Variants in FABP12 observed in about 807,000 individuals in gnomAD.
The protein encoded by FABP12 is fatty acid binding protein 12.
Under a neutral mutation model 13.7 loss-of-function variants are expected in FABP12, and 19 were observed. The ratio of observed to expected loss-of-function variants is 1.39; its 90% CI spans 0.97 to 2.04. FABP12 has a LOEUF of 2.04. FABP12 is among the 30% of genes most tolerant of loss of function. The probability of loss-of-function intolerance (pLI) is 0.00; values close to 1 mark genes in which losing one functional copy is unlikely to be tolerated. For synonymous variants in FABP12, 61 were observed against 57.0 expected, an observed-to-expected ratio of 1.07 and a Z score of -0.32; for missense variants, 182 against 164.2, an observed-to-expected ratio of 1.11 and a Z score of -0.59.
intron 1 of FABP12, among the ~76,000 whole-genome samples, chr8:81,566,298 TACTTTCAA>T (rs1809818105): frequency 3.3e-5 from 5 of 152,066 alleles, no homozygotes; most frequent in Non-Finnish European, 5.9e-5. Flanking sequence ...GAGAAGGGAA[TACTTTCAA>T]ACTCATTCTA....
intron 1 of FABP12, among the ~76,000 whole-genome samples, chr8:81,568,274 A>G (rs1809864930): frequency 6.6e-6 from 1 of 152,200 alleles, no homozygotes; most frequent in African/African-American, 2.4e-5. Flanking sequence ...CAAACAACTC[A>G]ATAGGAAAAA....
upstream of FABP12, among the ~76,000 whole-genome samples, chr8:81,534,121 A>C (rs7003466): frequency 0.016 from 2,411 of 151,848 alleles, 61 homozygotes; most frequent in African/African-American, 0.055. Context: ...TCTCTCTCTC[A>C]CACACATACA....
chr8:81,540,144 G>A (rs1300295418), intron 1 of FABP12, among the ~76,000 whole-genome samples: 3 of 152,194 alleles, frequency 2.0e-5, no homozygotes, highest in Non-Finnish European at 4.4e-5. Flanking sequence ...TTTGGACTAG[G>A]CGGCATCACC....
intron 1 of FABP12, among the ~76,000 whole-genome samples, chr8:81,583,742 A>G (rs1224758380): frequency 6.6e-6 from 1 of 152,188 alleles, no homozygotes; most frequent in East Asian, 1.9e-4. Context: ...CGATAGCTGC[A>G]CAGCTGAATT....
chr8:81,573,711 A>G (rs368874363), intron 1 of FABP12, among the ~76,000 whole-genome samples: 2 of 151,842 alleles, frequency 1.3e-5, no homozygotes, highest in South Asian at 4.2e-4. Context: ...TGTCTTTTGC[A>G]GTTATTGTAA....
chr8:81,575,947 C>T (rs1395963164), intron 1 of FABP12, among the ~76,000 whole-genome samples: 1 of 152,112 alleles, frequency 6.6e-6, no homozygotes, highest in African/African-American at 2.4e-5. Flanking sequence ...AATTGTCTTC[C>T]ACGAAATTGG....
At chr8:81,541,917 A>T in intron 1 of FABP12, among the ~76,000 whole-genome samples, 1 of 138,938 alleles carries the variant, frequency 7.2e-6, no homozygotes, top group Non-Finnish European at 1.5e-5. Context: ...GTTTAAAAAA[A>T]AAAAAAAAAA....
intron 3 of FABP12, among the ~76,000 whole-genome samples, chr8:81,528,592 T>C (rs1808972009): frequency 3.3e-5 from 5 of 152,184 alleles, no homozygotes; most frequent in Admixed American, 3.3e-4. Context: ...ATTCAAATAA[T>C]AAATATTTAT....
intron 1 of FABP12, among the ~76,000 whole-genome samples, chr8:81,559,455 C>T (rs1177426181): frequency 6.6e-6 from 1 of 152,188 alleles, no homozygotes; most frequent in African/African-American, 2.4e-5. Context: ...ATGTATGGGT[C>T]TAGGCCCCAC....
chr8:81,562,061 A>G (rs560732236), intron 1 of FABP12, among the ~76,000 whole-genome samples: 2 of 152,186 alleles, frequency 1.3e-5, no homozygotes, highest in East Asian at 3.9e-4. Context: ...GAGAGGGGAG[A>G]ATAAAGAAAA....
chr8:81,559,140 C>T (rs557900515), intron 1 of FABP12, among the ~76,000 whole-genome samples: 164 of 152,308 alleles, frequency 1.1e-3, no homozygotes, highest in African/African-American at 3.9e-3. Context: ...ATTTCACCCA[C>T]TTCAAGCCAC....
rs185206041 is a variant in FABP12, at chr8:81,581,416, G to T, written c.-185+8637C>A. On this transcript the variant is annotated intron_variant, in intron 1 of 5. Transcript: ENST00000692030. ...AGATTGAATTTCTTAGCATCCTGGG[G>T]GGATAAAGCTCAGAACCAGATTTAA... Among the ~76,000 whole-genome samples, 3 of 152,224 alleles carry T rather than the reference G, an allele frequency of 2.0e-5. No homozygotes were observed. In the East Asian group the frequency reaches 5.8e-4, roughly 29 times the overall value.
At chr8:81,542,265 G>A (rs1271839350) in intron 1 of FABP12, among the ~76,000 whole-genome samples, 1 of 152,112 alleles carries the variant, frequency 6.6e-6, no homozygotes, top group African/African-American at 2.4e-5. Context: ...TTAAAAATCA[G>A]GAGAACTTAC....
chr8:81,540,286 C>T (rs1024341848), intron 1 of FABP12, among the ~76,000 whole-genome samples: 1 of 152,206 alleles, frequency 6.6e-6, no homozygotes, highest in Admixed American at 6.5e-5. Flanking sequence ...ATATGAGAAC[C>T]ATTGACCACA....
intron 1 of FABP12, among the ~76,000 whole-genome samples, chr8:81,544,481 G>A (rs1427835176): frequency 6.6e-6 from 1 of 152,076 alleles, no homozygotes; most frequent in Non-Finnish European, 1.5e-5. Flanking sequence ...TAGATTTAGG[G>A]CTTAAATCAC....
intron 1 of FABP12, among the ~76,000 whole-genome samples, chr8:81,582,941 C>A (rs570254795): frequency 1.3e-5 from 2 of 152,166 alleles, no homozygotes; most frequent in East Asian, 3.9e-4. Context: ...CCAGGATAGA[C>A]CACATGTTAG....
intron 1 of FABP12, chr8:81,533,171 G>T (rs903518271): frequency 4.6e-5 from 7 of 152,206 alleles, no homozygotes; most frequent in African/African-American, 1.4e-4. Context: ...GGTGTGAGAC[G>T]GAGCCCATGT....
chr8:81,570,289 T>A (rs548452758), intron 1 of FABP12, among the ~76,000 whole-genome samples: 3 of 152,172 alleles, frequency 2.0e-5, no homozygotes, highest in African/African-American at 7.2e-5. Flanking sequence ...GCTCACAACA[T>A]GGCAAGCGAG....
intron 1 of FABP12, among the ~76,000 whole-genome samples, chr8:81,557,789 G>T (rs1400686276): frequency 1.3e-5 from 2 of 152,210 alleles, no homozygotes. Context: ...GGATAAAAAT[G>T]AAGCATTTAT....
Sources: gnomAD v4.1 joint callset for allele counts (sites outside exome capture counted in the v4.1 genomes callset) on GRCh38, gnomAD v4.1.1 for gene constraint, MANE v1.5 for transcripts, NCBI Gene and HGNC (gene_info 2026-07-23, HGNC 2026-07-21) for gene names.